The following MREG variants were observed in gnomAD, a reference collection of about 807,000 sequenced individuals.
MREG encodes dilute suppressor protein homolog.
Under a neutral mutation model 28.5 loss-of-function variants are expected in MREG, and 31 were observed. The observed-to-expected ratio is 1.09, with a 90% CI of 0.82 to 1.47. The LOEUF is 1.47. Among genes scored for constraint, MREG ranks in the 40% most tolerant of loss-of-function variants. The probability of loss-of-function intolerance (pLI) is 0.00; values close to 1 mark genes in which losing one functional copy is unlikely to be tolerated. For missense variants in MREG, 256 were observed against 257.4 expected (o/e 0.99, Z 0.04); for synonymous variants, 106 against 95.2 (o/e 1.11, Z -0.66).
At chr2:215,989,400 A>G (rs1693664254) in intron 2 of MREG, among the ~76,000 whole-genome samples, 1 of 152,202 alleles carries the variant, frequency 6.6e-6, no homozygotes, top group African/African-American at 2.4e-5. Context: ...GGTCACCAAT[A>G]TCAAAGACCG....
chr2:215,974,722 T>G (rs1181629357), intron 2 of MREG, among the ~76,000 whole-genome samples: 2 of 151,942 alleles, frequency 1.3e-5, no homozygotes, highest in Non-Finnish European at 2.9e-5. Flanking sequence ...CTTGGAAAGA[T>G]AAATGCTGAC....
At chr2:215,939,510 C>T (rs2105960317), downstream of MREG, 1 of 152,262 alleles carries the variant, frequency 6.6e-6, no homozygotes, top group South Asian at 2.1e-4. Flanking sequence ...GTGAAAGTTT[C>T]ATTCTTAGGC....
chr2:216,032,469 C>G (rs1383819547), intron 1 of MREG, among the ~76,000 whole-genome samples: 2 of 152,208 alleles, frequency 1.3e-5, no homozygotes, highest in Non-Finnish European at 2.9e-5. Flanking sequence ...TTGGCTTATG[C>G]TAGAGCTGAC....
upstream of MREG, among the ~76,000 whole-genome samples, chr2:216,015,467 T>C (rs1357624223): frequency 6.6e-6 from 1 of 151,926 alleles, no homozygotes; most frequent in South Asian, 2.1e-4. Context: ...TTATAGGAGA[T>C]AGCGGAACAC....
At chr2:215,980,905 A>AAGGGC (rs1559185617) in intron 2 of MREG, among the ~76,000 whole-genome samples, 4 of 148,298 alleles carry the variant, frequency 2.7e-5, no homozygotes, top group African/African-American at 1.0e-4. Flanking sequence ...CAGGGCAGGG[A>AAGGGC]AGGGCAGGGA....
At chr2:216,013,030 A>G (rs1694353102) in intron 1 of MREG, among the ~76,000 whole-genome samples, 1 of 152,206 alleles carries the variant, frequency 6.6e-6, no homozygotes, top group Non-Finnish European at 1.5e-5. Flanking sequence ...GTGTCTCCGA[A>G]GATTTGTGCT....
At position 215,944,748 on chromosome 2, in the gene MREG, C is replaced by G. The variant is rs1426885928; in HGVS notation, c.*115G>C. ...TTTACATTTATGTAGAATTCAGTAT[C>G]ATTTTTCACTAAGCAAACTCTATTT... On this transcript the variant is annotated 3_prime_UTR_variant, in exon 5 of 5. Transcript: ENST00000263268. 2.7e-6 allele frequency: 3 copies of G among 1,103,024 alleles called. No homozygotes were observed. Among genetic ancestry groups the G allele is most frequent in the Admixed American group, 2.7e-5 (1 of 37,650 alleles). The allele number at this position is 1,103,024 out of a possible 1,614,324, so 68.3% of individuals were successfully genotyped here.
chr2:215,951,094 C>T (rs1692470655), intron 2 of MREG, among the ~76,000 whole-genome samples: 1 of 152,066 alleles, frequency 6.6e-6, no homozygotes, highest in Non-Finnish European at 1.5e-5. Flanking sequence ...TGTAAGTTTC[C>T]TGAGGCCTCC....
intron 1 of MREG, among the ~76,000 whole-genome samples, chr2:216,020,017 C>T (rs923634088): frequency 7.9e-5 from 12 of 151,806 alleles, no homozygotes; most frequent in Non-Finnish European, 1.3e-4. Flanking sequence ...ATAATTTTTC[C>T]CAGGGAGGAA....
intron 2 of MREG, among the ~76,000 whole-genome samples, chr2:215,985,376 T>C (rs1160897439): frequency 6.6e-6 from 1 of 152,224 alleles, no homozygotes; most frequent in Non-Finnish European, 1.5e-5. Flanking sequence ...TAATGTACTT[T>C]ATGGCATCAT....
At chr2:215,972,789 C>A (rs1693140054) in intron 2 of MREG, among the ~76,000 whole-genome samples, 1 of 151,784 alleles carries the variant, frequency 6.6e-6, no homozygotes, top group African/African-American at 2.4e-5. Flanking sequence ...TTTTAAAAAA[C>A]AACAACAACA....
intron 2 of MREG, among the ~76,000 whole-genome samples, chr2:215,969,663 G>C (rs887569972): frequency 6.6e-6 from 1 of 152,212 alleles, no homozygotes; most frequent in East Asian, 1.9e-4. Context: ...GAGGGAGACA[G>C]TATGTCCACC....
intron 2 of MREG, among the ~76,000 whole-genome samples, chr2:215,963,627 G>T (rs1692860563): frequency 6.6e-6 from 1 of 151,810 alleles, no homozygotes; most frequent in African/African-American, 2.4e-5. Context: ...TTATTGGGCA[G>T]TGCTGATCCA....
At chr2:216,028,034 G>A (rs955923697) in intron 1 of MREG, among the ~76,000 whole-genome samples, 1 of 152,154 alleles carries the variant, frequency 6.6e-6, no homozygotes, top group African/African-American at 2.4e-5. Context: ...TACTTCACAA[G>A]GAAAATTTTA....
intron 2 of MREG, among the ~76,000 whole-genome samples, chr2:215,959,028 C>T (rs1692710668): frequency 6.6e-6 from 1 of 152,104 alleles, no homozygotes; most frequent in Admixed American, 6.6e-5. Context: ...GATCTGCTGC[C>T]TCTAAAGCAC....
At chr2:215,983,184 C>T (rs1330617620) in intron 2 of MREG, among the ~76,000 whole-genome samples, 1 of 152,216 alleles carries the variant, frequency 6.6e-6, no homozygotes, top group Non-Finnish European at 1.5e-5. Context: ...TGGGGTAAAA[C>T]TTGCAGTCCT....
intron 1 of MREG, among the ~76,000 whole-genome samples, chr2:216,023,531 C>G (rs945124634): frequency 6.6e-6 from 1 of 152,116 alleles, no homozygotes; most frequent in Non-Finnish European, 1.5e-5. Context: ...TATTTCATTT[C>G]ATCTTATTAA....
At chr2:216,005,842 T>TAAAAA (rs35179294) in intron 1 of MREG, among the ~76,000 whole-genome samples, 15 of 125,920 alleles carry the variant, frequency 1.2e-4, no homozygotes, top group Middle Eastern at 4.3e-3. Context: ...AAGATTTTTG[T>TAAAAA]AAAAAAAAAA....
intron 2 of MREG, among the ~76,000 whole-genome samples, chr2:215,949,333 G>A (rs1468896998): frequency 6.6e-6 from 1 of 151,698 alleles, no homozygotes; most frequent in Non-Finnish European, 1.5e-5. Context: ...GCTGAGGCGG[G>A]TGGATCACTT....
Sources: gnomAD v4.1 joint callset for allele counts (sites outside exome capture counted in the v4.1 genomes callset) on GRCh38, gnomAD v4.1.1 for gene constraint, MANE v1.5 for transcripts, NCBI Gene and HGNC (gene_info 2026-07-23, HGNC 2026-07-21) for gene names.